Variants in DGLUCY observed in about 807,000 individuals in gnomAD.
The protein encoded by DGLUCY is D-glutamate cyclase.
Under a neutral mutation model 58.5 loss-of-function variants are expected in DGLUCY, and 58 were observed. The observed-to-expected ratio is 0.99, with a 90% CI of 0.80 to 1.23. The LOEUF is 1.23. Among genes scored for constraint, DGLUCY ranks in the 50% most tolerant of loss-of-function variants. The pLI, the probability that DGLUCY is intolerant of heterozygous loss-of-function variation, is 0.00. For synonymous variants in DGLUCY, 325 were observed against 314.1 expected, an observed-to-expected ratio of 1.03 and a Z score of -0.37; for missense variants, 779 against 784.7, an observed-to-expected ratio of 0.99 and a Z score of 0.09.
intron 1 of DGLUCY, among the ~76,000 whole-genome samples, chr14:91,082,858 A>G (rs1237267795): frequency 6.6e-6 from 1 of 152,130 alleles, no homozygotes; most frequent in Non-Finnish European, 1.5e-5. Context: ...GGCTCAAGCA[A>G]TCCTCCTGCC....
Position 91,224,778 on chromosome 14 carries a change from A to G in DGLUCY, c.1811A>G (p.Asn604Ser), listed in dbSNP as rs754161265. The G allele has an allele frequency of 8.1e-6, 13 of 1,613,386 alleles. No individual in the cohort carries two copies. Among genetic ancestry groups the G allele is most frequent in the Middle Eastern group, 3.3e-4 (2 of 6,080 alleles). The change falls in exon 14 of 14, where the codon AAC becomes AGC. Residue 604 changes from asparagine (N) to serine (S), a missense_variant. By Grantham distance (46) the Asn-to-Ser change is conservative. Coordinates refer to ENST00000256324, the MANE Select transcript of DGLUCY (RefSeq NM_001102368.3). ...GAGGTGGATGGGCTGCCCTTCCACA[A>G]CACCCACGCCGAGATGATCCAGAAG... The part of the protein sequence containing the change: ...GMEVDGLPFH[N>S]THAEMIQKLV...
intron 1 of DGLUCY, among the ~76,000 whole-genome samples, chr14:91,153,700 G>C (rs2047446948): frequency 6.6e-6 from 1 of 152,206 alleles, no homozygotes; most frequent in Non-Finnish European, 1.5e-5. Context: ...TGCTCATGCA[G>C]GCCTTGCCGG....
At chr14:91,176,086 C>T (rs752424839) in intron 7 of DGLUCY, 30 bp downstream of exon 7, 1 of 1,612,370 alleles carries the variant, frequency 6.2e-7, no homozygotes, top group Non-Finnish European at 8.5e-7. Context: ...GACAATCGAT[C>T]TGCCCTAGGA....
At chr14:91,136,303 A>G (rs2046334853) in intron 1 of DGLUCY, among the ~76,000 whole-genome samples, 1 of 151,994 alleles carries the variant, frequency 6.6e-6, no homozygotes, top group Non-Finnish European at 1.5e-5. Flanking sequence ...CAAAGCCAAT[A>G]CTCCTAAAAC....
rs112122586 is a variant in DGLUCY at position 91,090,461 on chromosome 14, C to G, written c.-82+29757C>G. On this transcript the variant is annotated intron_variant, in intron 1 of 4. Coordinates refer to the DGLUCY transcript ENST00000521334. ...AACCTTCTCCCAGCCTCCTGCATGA[C>G]TTTGGCCATAAGCATCCTTCCTCAT... 2.0e-3 allele frequency among the ~76,000 whole-genome samples: 306 copies of G among 152,260 alleles called. 1 individual carries two copies. Among genetic ancestry groups the G allele is most frequent in the African/African-American group, 6.7e-3 (278 of 41,532 alleles).
At chr14:91,157,143 AT>A (rs1239180301) in intron 1 of DGLUCY, among the ~76,000 whole-genome samples, 1 of 149,600 alleles carries the variant, frequency 6.7e-6, no homozygotes, top group East Asian at 2.0e-4. Context: ...GGATGGATGG[AT>A]GGATGGATGG....
Position 91,069,799 on chromosome 14 carries a change from C to CTTTTT in DGLUCY, c.-82+9108_-82+9112dup, listed in dbSNP as rs5810528. ...TTTCACTTATGATAATGATATGCCT[C>CTTTTT]TTTTTTTTTTTTTTTTTGTCACCCA... On this transcript the variant is annotated intron_variant, in intron 1 of 4. Transcript: ENST00000521334. Among the ~76,000 whole-genome samples the CTTTTT allele has an allele frequency of 9.4e-3, 1,140 of 120,978 alleles. 41 individuals carry two copies. Among genetic ancestry groups the CTTTTT allele is most frequent in the African/African-American group, 0.034 (1,079 of 31,588 alleles). The allele number at this position is 120,978 out of a possible 152,430, so 79.4% of individuals were successfully genotyped here.
intron 1 of DGLUCY, among the ~76,000 whole-genome samples, chr14:91,130,854 T>C (rs2045988539): frequency 6.6e-6 from 1 of 152,208 alleles, no homozygotes; most frequent in South Asian, 2.1e-4. Context: ...GTTTATATCT[T>C]TCTCCCCATT....
intron 1 of DGLUCY, among the ~76,000 whole-genome samples, chr14:91,134,124 G>A (rs2046190318): frequency 6.6e-6 from 1 of 152,118 alleles, no homozygotes; most frequent in African/African-American, 2.4e-5. Context: ...GTTTAAAAGC[G>A]ATTTGTTATT....
intron 3 of DGLUCY, among the ~76,000 whole-genome samples, chr14:91,162,300 T>TA (rs1367063648): frequency 7.2e-5 from 11 of 151,886 alleles, no homozygotes; most frequent in African/African-American, 1.5e-4. Flanking sequence ...GTCATTAAGT[T>TA]AAAAAAAATG....
chr14:91,207,051 G>GA (rs1275059930), intron 12 of DGLUCY, among the ~76,000 whole-genome samples: 4 of 150,390 alleles, frequency 2.7e-5, no homozygotes, highest in Non-Finnish European at 5.9e-5. Flanking sequence ...CTGGCTACGT[G>GA]GGGGGGCTGA....
chr14:91,120,739 C>T (rs191473317), intron 1 of DGLUCY, among the ~76,000 whole-genome samples: 95 of 152,228 alleles, frequency 6.2e-4, no homozygotes, highest in African/African-American at 2.0e-3. Context: ...TCCTTTCTTT[C>T]GTTGCACCTT....
At chr14:91,205,842 C>CTT (rs36096639) in intron 12 of DGLUCY, among the ~76,000 whole-genome samples, 6,510 of 70,712 alleles carry the variant, frequency 0.092, 1,682 homozygotes, top group South Asian at 0.19. Flanking sequence ...TCTTCTTCTT[C>CTT]TTTTTTTTTT....
intron 8 of DGLUCY, among the ~76,000 whole-genome samples, chr14:91,181,809 G>T (rs978647944): frequency 3.3e-5 from 5 of 151,392 alleles, no homozygotes; most frequent in African/African-American, 1.2e-4. Context: ...ACCACACCTG[G>T]CTAATTTTTG....
chr14:91,141,601 G>A (rs1239661867), intron 1 of DGLUCY, among the ~76,000 whole-genome samples: 2 of 147,330 alleles, frequency 1.4e-5, no homozygotes, highest in Non-Finnish European at 3.0e-5. Flanking sequence ...CGCCAGGCTG[G>A]AGTGCAATGG....
chr14:91,167,153 A>AG, intron 3 of DGLUCY, 72 bp from the exon 4 acceptor site: 1 of 1,483,732 alleles, frequency 6.7e-7, no homozygotes, highest in African/African-American at 1.4e-5. Flanking sequence ...AAAAAAAAAA[A>AG]GAAAGAAAAT....
intron 1 of DGLUCY, among the ~76,000 whole-genome samples, chr14:91,094,633 G>C (rs1177044431): frequency 6.6e-6 from 1 of 151,896 alleles, no homozygotes; most frequent in East Asian, 1.9e-4. Flanking sequence ...GACCAGTCTG[G>C]CCAACATGGT....
chr14:91,108,518 T>TGAGAGAGA (rs2044632084), intron 1 of DGLUCY, among the ~76,000 whole-genome samples: 3 of 93,164 alleles, frequency 3.2e-5, no homozygotes, highest in African/African-American at 1.1e-4. Context: ...TGTGTGTGTG[T>TGAGAGAGA]GTGTGTGTGA....
intron 1 of DGLUCY, among the ~76,000 whole-genome samples, chr14:91,134,957 C>T (rs2046241223): frequency 6.6e-6 from 1 of 150,880 alleles, no homozygotes; most frequent in African/African-American, 2.4e-5. Flanking sequence ...CAGGATCTCA[C>T]TCTGTAGCCC....
Sources: allele counts gnomAD v4.1 joint callset (sites outside exome capture counted in the v4.1 genomes callset), GRCh38; gene constraint gnomAD v4.1.1; transcripts MANE v1.5; gene names NCBI Gene and HGNC (gene_info 2026-07-23, HGNC 2026-07-21).